PIK3R1: variants seen among roughly 807,000 people sequenced by gnomAD.
PIK3R1 encodes phosphatidylinositol 3-kinase regulatory subunit alpha.
A neutral mutation model predicts 98.0 loss-of-function variants in PIK3R1; 29 were observed. The ratio of observed to expected loss-of-function variants is 0.30; its 90% CI spans 0.22 to 0.40. The LOEUF is 0.40. PIK3R1 is among the 10% of genes least tolerant of loss of function. The pLI is 1.00. For missense variants in PIK3R1, 596 were observed against 872.7 expected, an observed-to-expected ratio of 0.68 and a Z score of 3.99; for synonymous variants, 282 against 311.8, an observed-to-expected ratio of 0.90 and a Z score of 1.01.
At chr5:68,220,782 A>G (rs979094059) in intron 1 of PIK3R1, among the ~76,000 whole-genome samples, 4 of 152,210 alleles carry the variant, frequency 2.6e-5, no homozygotes, top group South Asian at 2.1e-4. Flanking sequence ...TTTGATGTCT[A>G]TTATTTGGGG....
At chr5:68,231,544 C>G (rs1270539080) in intron 2 of PIK3R1, among the ~76,000 whole-genome samples, 1 of 152,070 alleles carries the variant, frequency 6.6e-6, no homozygotes, top group Non-Finnish European at 1.5e-5. Context: ...GTTGTTGTTC[C>G]CTGTCCAGAA....
chr5:68,278,191 T>C lies in PIK3R1; in HGVS notation c.503-1411T>C, dbSNP rs188751541. On this transcript the variant is annotated intron_variant, in intron 4 of 15. Transcript: ENST00000521381. The stretch of plus-strand genomic sequence containing the variant: ...GTATTGATTAGTTTTACCCCCATTA[T>C]TGGATTGCTTGACCTGTTTCCCAGC... Among the ~76,000 whole-genome samples, 22 of 152,200 alleles carry C rather than the reference T, an allele frequency of 1.4e-4. No homozygotes were observed. In the East Asian group the frequency reaches 4.1e-3, roughly 28 times the overall value.
rs904903444 is a variant in PIK3R1 at position 68,299,435 on chromosome 5, G to T, written c.*1834G>T. On this transcript the variant is annotated 3_prime_UTR_variant, in exon 16 of 16. Transcript: ENST00000521381. ...TAATCATTGTATGTGCTTCACTACG[G>T]GGGGGAGAAGGAAACGTTAGCATCA... The T allele has an allele frequency of 3.4e-5, 8 of 232,960 alleles. No individual in the cohort carries two copies. Among genetic ancestry groups the T allele is most frequent in the Admixed American group, 1.1e-4 (2 of 17,748 alleles). The allele number at this position is 232,960 out of a possible 1,614,324, so 14.4% of individuals were successfully genotyped here. A position where few individuals can be genotyped will look rare whatever the true frequency, so the allele number is the denominator to read the frequency against.
intron 2 of PIK3R1, among the ~76,000 whole-genome samples, chr5:68,234,792 A>C (rs1179151526): frequency 6.6e-6 from 1 of 152,236 alleles, no homozygotes; most frequent in Non-Finnish European, 1.5e-5. Context: ...AATCTACCTA[A>C]GAGGTAACAT....
In PIK3R1 at chr5:68,265,365, G is replaced by A. The variant is rs186890822; in HGVS notation, c.335-8025G>A. 1.6e-3 allele frequency among the ~76,000 whole-genome samples: 245 copies of A among 152,062 alleles called. 1 individual carries two copies. Among genetic ancestry groups the A allele is most frequent in the Admixed American group, 0.013 (191 of 15,256 alleles). ...TTGGGTGTAGTGTACTGATGTGTTAGGTCAGGGTTACCATAACAAAACACC... is the reference window on the plus strand; with the variant it reads ...TTGGGTGTAGTGTACTGATGTGTTAAGTCAGGGTTACCATAACAAAACACC... On this transcript the variant is annotated intron_variant, in intron 2 of 15. Coordinates refer to ENST00000521381, the MANE Select transcript of PIK3R1 (RefSeq NM_181523.3).
chr5:68,294,107 G>T (rs1440510743), intron 11 of PIK3R1, among the ~76,000 whole-genome samples: 4 of 152,326 alleles, frequency 2.6e-5, no homozygotes, highest in African/African-American at 9.6e-5. Context: ...ATCCTGTTTA[G>T]ATTGGAAGTT....
rs33968242 is a variant in PIK3R1 at position 68,262,403 on chromosome 5, T to TATATATATAC, written c.335-10986_335-10985insTATATATACA. 1.5e-3 allele frequency among the ~76,000 whole-genome samples: 214 copies of TATATATATAC among 140,596 alleles called. 3 individuals are homozygous for TATATATATAC. The highest frequency in any genetic ancestry group is 3.8e-3 in the South Asian group (17 of 4,500). 92.2% of individuals were successfully genotyped at this position (140,596 alleles called of 152,430 possible). A position where few individuals can be genotyped will look rare whatever the true frequency, so the allele number is the denominator to read the frequency against. On this transcript the variant is annotated intron_variant, in intron 2 of 15. Transcript: ENST00000521381. ...TATAATTTTTATATATATATATATA[T>TATATATATAC]ACACACACGCACACACACACATACA...
intron 7 of PIK3R1, among the ~76,000 whole-genome samples, chr5:68,283,367 A>C (rs1746930302): frequency 6.6e-6 from 1 of 152,212 alleles, no homozygotes; most frequent in Non-Finnish European, 1.5e-5. Flanking sequence ...ATTAGCACAT[A>C]GTATCTAATT....
chr5:68,284,121 T>C (rs755930869), intron 7 of PIK3R1, among the ~76,000 whole-genome samples: 1 of 151,150 alleles, frequency 6.6e-6, no homozygotes, highest in African/African-American at 2.4e-5. Context: ...GACTGTGGAA[T>C]TGGGTTAATG....
chr5:68,254,208 T>C (rs1473111855), intron 2 of PIK3R1, among the ~76,000 whole-genome samples: 1 of 152,212 alleles, frequency 6.6e-6, no homozygotes, highest in African/African-American at 2.4e-5. Flanking sequence ...GAGAGACTTA[T>C]TCCCAAGAAA....
chr5:68,280,958 A>G lies in PIK3R1; in HGVS notation c.868A>G (p.Ile290Val), dbSNP rs777123285. 7 of 1,605,338 alleles carry G rather than the reference A, an allele frequency of 4.4e-6. No individual in the cohort carries two copies. The highest frequency in any genetic ancestry group is 2.2e-5 in the South Asian group (2 of 89,612). Residue 290 changes from isoleucine (I) to valine (V), a missense_variant, in exon 7 of 16, where the codon ATA becomes GTA. By Grantham distance (29) the Ile-to-Val change is conservative (BLOSUM62 3). Coordinates refer to ENST00000521381, the MANE Select transcript of PIK3R1 (RefSeq NM_181523.3). ...TAATACTGAAAACCTCATAAAAGTT[A>G]TAGAAATTTTAATCTCAACTGAATG... ...SDNTENLIKV[I>V]EILISTEWNE...
intron 2 of PIK3R1, among the ~76,000 whole-genome samples, chr5:68,242,342 A>G (rs1328149859): frequency 6.6e-6 from 1 of 152,228 alleles, no homozygotes; most frequent in African/African-American, 2.4e-5. Flanking sequence ...TTGGTCAGAG[A>G]ATACACGGTG....
Position 68,280,678 on chromosome 5 carries a change from G to A in PIK3R1, c.785G>A (p.Arg262Lys). 1.2e-6 allele frequency: 2 copies of A among 1,614,078 alleles called. No homozygotes were observed. Among genetic ancestry groups the A allele is most frequent in the East Asian group, 4.5e-5 (2 of 44,860 alleles). Residue 262 changes from arginine (R) to lysine (K), a missense_variant, in exon 6 of 16, where the codon AGA (arginine) becomes AAA (lysine). Physicochemically the swap from Arg to Lys is conservative, Grantham distance 26. Around this residue, in one of 3 missense-constraint regions of PIK3R1, gnomAD observed 352 missense variants for 393.3 expected, o/e 0.90. Transcript: ENST00000521381. ...TCCAGCAAAAATCTGTTGAATGCAA[G>A]AGTACTCTCTGAAATTTTCAGCCCT... The part of the protein sequence containing the change: ...QTSSKNLLNA[R>K]VLSEIFSPML...
chr5:68,290,771 T>A, intron 7 of PIK3R1: 1 of 1,613,704 alleles, frequency 6.2e-7, no homozygotes, highest in South Asian at 1.1e-5. Context: ...GGATTTAGAA[T>A]ATGCCAAGAC....
chr5:68,284,212 C>A (rs1437394409), intron 7 of PIK3R1, among the ~76,000 whole-genome samples: 1 of 152,186 alleles, frequency 6.6e-6, no homozygotes, highest in East Asian at 1.9e-4. Flanking sequence ...GCTTTTGAGG[C>A]CTTATGGGAG....
chr5:68,262,386 TTA>T (rs1554047786), intron 2 of PIK3R1, among the ~76,000 whole-genome samples: 19 of 138,508 alleles, frequency 1.4e-4, no homozygotes, highest in East Asian at 4.1e-4. Flanking sequence ...TCTATAATTT[TTA>T]TATATATATA....
intron 2 of PIK3R1, among the ~76,000 whole-genome samples, chr5:68,252,877 A>G (rs528747617): frequency 6.6e-6 from 1 of 152,318 alleles, no homozygotes; most frequent in South Asian, 2.1e-4. Context: ...GCTATACGGC[A>G]TGGTAGCTGT....
chr5:68,280,842 A>G (rs1580245368), intron 6 of PIK3R1, 85 bp from the exon 7 acceptor site: 1 of 1,233,616 alleles, frequency 8.1e-7, no homozygotes, highest in East Asian at 2.3e-5. Flanking sequence ...TGCAGATGCT[A>G]TCACACACAT....
chr5:68,239,691 G>T (rs1253921502), intron 2 of PIK3R1, among the ~76,000 whole-genome samples: 1 of 152,206 alleles, frequency 6.6e-6, no homozygotes, highest in Non-Finnish European at 1.5e-5. Context: ...GGCGCCGGGG[G>T]TTAATGTTCA....
Sources: allele counts gnomAD v4.1 joint callset (sites outside exome capture counted in the v4.1 genomes callset), GRCh38; gene constraint gnomAD v4.1.1; regional missense constraint gnomAD v4.1.1; transcripts MANE v1.5; gene names NCBI Gene and HGNC (gene_info 2026-07-23, HGNC 2026-07-21).